CEP112: variants seen among roughly 807,000 people sequenced by gnomAD.
The protein encoded by CEP112 is centrosomal protein of 112 kDa.
A neutral mutation model predicts 153.0 loss-of-function variants in CEP112; 127 were observed. The observed-to-expected ratio is 0.83, with a 90% CI of 0.72 to 0.96. The LOEUF (loss-of-function observed/expected upper bound fraction) is 0.96. Ranked by LOEUF, CEP112 falls within the 40% of genes least tolerant of loss-of-function variation. The pLI, the probability that CEP112 is intolerant of heterozygous loss-of-function variation, is 0.00. For missense variants in CEP112, 1,089 were observed against 1,101.2 expected (o/e 0.99, Z 0.16); for synonymous variants, 358 against 374.4 (o/e 0.96, Z 0.51).
At position 66,050,291 on chromosome 17, in the gene CEP112, T is replaced by C. The variant is rs147290137; in HGVS notation, c.1218+3445A>G. Among the ~76,000 whole-genome samples, 386 of 152,314 alleles carry C rather than the reference T, an allele frequency of 2.5e-3. 2 individuals are homozygous for C. The highest frequency in any genetic ancestry group is 8.1e-3 in the African/African-American group (336 of 41,584). On this transcript the variant is annotated intron_variant, in intron 12 of 26. Transcript: ENST00000535342. ...TTAGTGACTTAATTTTTTGTTGTTTTTTCTTCAGGGTAGGGGAATGGGGAG... is the reference window on the plus strand; with the variant it reads ...TTAGTGACTTAATTTTTTGTTGTTTCTTCTTCAGGGTAGGGGAATGGGGAG...
intron 24 of CEP112, chr17:65,644,269 T>C (rs945180345): frequency 6.8e-6 from 4 of 588,286 alleles, no homozygotes; most frequent in Non-Finnish European, 1.2e-5. Flanking sequence ...GTTTAGAATG[T>C]CTATCTGTTT....
At chr17:66,002,710 T>G (rs546402605) in intron 17 of CEP112, among the ~76,000 whole-genome samples, 2 of 152,324 alleles carry the variant, frequency 1.3e-5, no homozygotes, top group African/African-American at 4.8e-5. Context: ...ATGTATCATG[T>G]TTTTATATGT....
At chr17:65,791,007 C>A (rs936429705) in intron 21 of CEP112, among the ~76,000 whole-genome samples, 2 of 151,720 alleles carry the variant, frequency 1.3e-5, no homozygotes, top group African/African-American at 4.8e-5. Context: ...TATCTATATC[C>A]CAATTACACT....
In CEP112 at chr17:66,160,092, A is replaced by G. The variant is rs889448549; in HGVS notation, c.470+14952T>C. ...AATCATGAGTGAATTCCCATTCACA[A>G]TTGCTACAAAGAGAATAAAATATCT... is the stretch of plus-strand genomic sequence containing the variant. On this transcript the variant is annotated intron_variant, in intron 4 of 26. Coordinates refer to ENST00000535342, the MANE Select transcript of CEP112 (RefSeq NM_001199165.4). Among the ~76,000 whole-genome samples the G allele has an allele frequency of 7.9e-5, 12 of 152,216 alleles. No homozygotes were observed. In the South Asian group the frequency reaches 8.3e-4, roughly 11 times the overall value.
intron 21 of CEP112, among the ~76,000 whole-genome samples, chr17:65,806,378 T>C (rs906332333): frequency 2.0e-5 from 3 of 152,364 alleles, no homozygotes; most frequent in East Asian, 1.9e-4. Context: ...AGATCCACTA[T>C]GGTTTGAACG....
chr17:66,024,900 A>G (rs1260017280), intron 16 of CEP112, among the ~76,000 whole-genome samples: 1 of 152,204 alleles, frequency 6.6e-6, no homozygotes, highest in Non-Finnish European at 1.5e-5. Flanking sequence ...AGATTATACT[A>G]CAAGGTTATA....
intron 17 of CEP112, among the ~76,000 whole-genome samples, chr17:66,001,375 A>G (rs2064041350): frequency 6.6e-6 from 1 of 152,126 alleles, no homozygotes; most frequent in Non-Finnish European, 1.5e-5. Flanking sequence ...GCTTGCAAAT[A>G]TTTTCTCCCA....
chr17:66,000,492 TA>T (rs74269525), intron 17 of CEP112, among the ~76,000 whole-genome samples: 20,066 of 139,658 alleles, frequency 0.14, 1,772 homozygotes, highest in African/African-American at 0.26. Context: ...GTCAGTAGAT[TA>T]AAAAAAAAAA....
chr17:66,106,203 T>C (rs1341824658), intron 6 of CEP112, among the ~76,000 whole-genome samples: 1 of 151,808 alleles, frequency 6.6e-6, no homozygotes, highest in Non-Finnish European at 1.5e-5. Context: ...ATGAAAAAGG[T>C]AGAAAAACTT....
chr17:65,810,905 C>A (rs2055911060), intron 21 of CEP112, among the ~76,000 whole-genome samples: 1 of 152,104 alleles, frequency 6.6e-6, no homozygotes, highest in Non-Finnish European at 1.5e-5. Context: ...GATATAGATG[C>A]AATTGCAGAG....
At position 66,062,991 on chromosome 17, in the gene CEP112, T is replaced by C; in HGVS notation, c.1046A>G (p.Glu349Gly). 5 of 1,593,496 alleles carry C rather than the reference T, an allele frequency of 3.1e-6. No homozygotes were observed. Among genetic ancestry groups the C allele is most frequent in the Non-Finnish European group, 4.3e-6 (5 of 1,168,554 alleles). ...ELKKICEQST[E>G]SLNNDWEKKL... ...TTTTTCCCAGTCATTATTTAGAGAT[T>C]CCGTACTTTGTTCACATATCTTTTT... The change falls in exon 11 of 27, where the codon GAA becomes GGA. Residue 349 changes from glutamate (E) to glycine (G), a missense_variant. By Grantham distance (98) the Glu-to-Gly change is moderately conservative. Coordinates refer to ENST00000535342, the MANE Select transcript of CEP112 (RefSeq NM_001199165.4).
At chr17:65,827,882 T>C (rs1023027280) in intron 21 of CEP112, among the ~76,000 whole-genome samples, 1 of 152,194 alleles carries the variant, frequency 6.6e-6, no homozygotes, top group Non-Finnish European at 1.5e-5. Context: ...TTCAAATTTG[T>C]TTGAATGTTA....
At chr17:66,079,061 G>A (rs528101578) in intron 8 of CEP112, among the ~76,000 whole-genome samples, 17 of 152,154 alleles carry the variant, frequency 1.1e-4, no homozygotes, top group Admixed American at 8.5e-4. Flanking sequence ...ACAATGAGAT[G>A]CAATTTCACA....
At chr17:66,164,050 C>T (rs531350322) in intron 4 of CEP112, among the ~76,000 whole-genome samples, 31 of 152,282 alleles carry the variant, frequency 2.0e-4, no homozygotes, top group Non-Finnish European at 3.5e-4. Flanking sequence ...TGCCACTTGG[C>T]CTCATCTTAG....
At chr17:65,878,100 G>A (rs2058903917) in intron 20 of CEP112, among the ~76,000 whole-genome samples, 1 of 152,096 alleles carries the variant, frequency 6.6e-6, no homozygotes, top group Admixed American at 6.5e-5. Flanking sequence ...AAGTTCTGGA[G>A]ATCTAATATA....
chr17:65,913,404 G>C (rs921487278), intron 19 of CEP112: 7 of 688,634 alleles, frequency 1.0e-5, no homozygotes, highest in Non-Finnish European at 1.3e-5. Context: ...CTTGGAGTCA[G>C]AGTAAAGATA....
intron 21 of CEP112, among the ~76,000 whole-genome samples, chr17:65,840,310 T>C (rs987360603): frequency 2.0e-5 from 3 of 151,966 alleles, no homozygotes; most frequent in African/African-American, 7.2e-5. Context: ...GGCAGAGAAA[T>C]ATACACACTG....
At chr17:65,651,247 G>C (rs1294117929) in intron 24 of CEP112, among the ~76,000 whole-genome samples, 1 of 152,050 alleles carries the variant, frequency 6.6e-6, no homozygotes. Context: ...CTCCATTCAG[G>C]GTGCTGTGAA....
At chr17:65,969,741 C>T (rs930564812) in intron 17 of CEP112, among the ~76,000 whole-genome samples, 3 of 152,162 alleles carry the variant, frequency 2.0e-5, no homozygotes, top group African/African-American at 4.8e-5. Flanking sequence ...TGCATGCATA[C>T]ACTACACGAA....
Sources: allele counts gnomAD v4.1 joint callset (sites outside exome capture counted in the v4.1 genomes callset), GRCh38; gene constraint gnomAD v4.1.1; transcripts MANE v1.5; gene names NCBI Gene and HGNC (gene_info 2026-07-23, HGNC 2026-07-21).